The following CUX2 variants were observed in gnomAD, a reference collection of about 807,000 sequenced individuals.
The protein encoded by CUX2 is homeobox protein cut-like 2.
In CUX2, 40 loss-of-function variants were observed where a neutral mutation model predicts 144.8. The observed-to-expected ratio is 0.28, with a 90% CI of 0.21 to 0.36. The LOEUF (loss-of-function observed/expected upper bound fraction) is 0.36, where lower values mean the gene tolerates loss of function less well. Among genes scored for constraint, CUX2 ranks in the 10% least tolerant of loss-of-function variants. The pLI, the probability that CUX2 is intolerant of heterozygous loss-of-function variation, is 1.00. For missense variants in CUX2, 1,615 were observed against 1,994.0 expected, an observed-to-expected ratio of 0.81 and a Z score of 3.62; for synonymous variants, 827 against 875.6, an observed-to-expected ratio of 0.94 and a Z score of 0.98.
intron 3 of CUX2, among the ~76,000 whole-genome samples, chr12:111,257,733 C>A (rs1028556299): frequency 6.9e-6 from 1 of 145,096 alleles, no homozygotes; most frequent in Non-Finnish European, 1.5e-5. Flanking sequence ...TCTTCCTCTT[C>A]CTCCTCTTTC....
intron 1 of CUX2, among the ~76,000 whole-genome samples, chr12:111,164,019 C>CTAGGGCA (rs1877959393): frequency 1.3e-5 from 2 of 152,112 alleles, no homozygotes; most frequent in Non-Finnish European, 2.9e-5. Flanking sequence ...ATCATTGGAC[C>CTAGGGCA]TAGGGCATAG....
chr12:111,251,537 C>T (rs1883561600), intron 3 of CUX2, among the ~76,000 whole-genome samples: 2 of 152,140 alleles, frequency 1.3e-5, no homozygotes, highest in Non-Finnish European at 2.9e-5. Context: ...GCTTCCAAGC[C>T]GTGAAAGCCA....
Position 111,074,416 on chromosome 12 carries a change from C to T in CUX2, c.63+40176C>T, listed in dbSNP as rs542718925. On this transcript the variant is annotated intron_variant, in intron 1 of 21. Transcript: ENST00000261726. ...AATTGTGAGGGCCACCCGCCTATTT[C>T]GCTAAAGTGGAAGATGGGGCAGGGA... 5.3e-5 allele frequency among the ~76,000 whole-genome samples: 8 copies of T among 152,202 alleles called. No homozygotes were observed. In the South Asian group the frequency reaches 6.2e-4, roughly 12 times the overall value.
At chr12:111,092,020 A>G (rs1872586689) in intron 1 of CUX2, among the ~76,000 whole-genome samples, 1 of 152,258 alleles carries the variant, frequency 6.6e-6, no homozygotes. Context: ...GCACCCAGCC[A>G]AGCTCTAACA....
intron 16 of CUX2, among the ~76,000 whole-genome samples, chr12:111,318,916 C>G (rs1400077888): frequency 6.6e-6 from 1 of 152,128 alleles, no homozygotes; most frequent in South Asian, 2.1e-4. Context: ...TTGACTGCCT[C>G]AGCCTCCCAA....
In CUX2 at chr12:111,214,144, AG is replaced by A. The variant is rs373640566; in HGVS notation, c.64-55del. The A allele has an allele frequency of 4.9e-3, 5,815 of 1,189,154 alleles. 220 individuals are homozygous for A. The African/African-American group carries it at 0.078, about 16-fold the overall frequency. 73.7% of individuals were successfully genotyped at this position (1,189,154 alleles called of 1,614,324 possible). Reference sequence around the variant, plus strand: ...ACAGTGGTTAAAAAGGAAAAAAAGAAGAAAAATCTTTTTCTTTTCTCTCTCT... The same window carrying A: ...ACAGTGGTTAAAAAGGAAAAAAAGAAAAAAATCTTTTTCTTTTCTCTCTCT... On this transcript the variant is annotated intron_variant, in intron 1 of 21. Transcript: ENST00000261726.
At position 111,320,317 on chromosome 12, in the gene CUX2, A is replaced by C; in HGVS notation, c.2308A>C (p.Ser770Arg). ...CCTGTCCCCCGCCGCCTTCGTGCAG[A>C]GCATCATCCGCAAGGTCAAGTCCGA... The part of the protein sequence containing the change: ...PVLSPAAFVQ[S>R]IIRKVKSEIG... The change falls in exon 17 of 22, where the codon AGC becomes CGC. Residue 770 changes from serine (S) to arginine (R), a missense_variant. This residue lies in a region of CUX2 where 390 missense variants were observed against 387.1 expected (regional missense o/e 1.01). Coordinates refer to ENST00000261726, the MANE Select transcript of CUX2 (RefSeq NM_015267.4). The surrounding 1 kb of genome is among the most constrained non-coding windows in gnomAD (Gnocchi z 8.1). 6.3e-7 allele frequency: 1 copy of C among 1,598,024 alleles called. No homozygotes were observed. The highest frequency in any genetic ancestry group is 2.2e-5 in the East Asian group (1 of 44,804).
At chr12:111,294,508 A>T (rs1357988863) in intron 6 of CUX2, among the ~76,000 whole-genome samples, 1 of 149,332 alleles carries the variant, frequency 6.7e-6, no homozygotes, top group Non-Finnish European at 1.5e-5. Context: ...ACTTGAGCCC[A>T]GGTGGTCGAG....
At chr12:111,172,644 G>T (rs556364507) in intron 1 of CUX2, among the ~76,000 whole-genome samples, 1 of 152,186 alleles carries the variant, frequency 6.6e-6, no homozygotes, top group Non-Finnish European at 1.5e-5. Context: ...TCCGAACCTC[G>T]AGCTGTCTGG....
chr12:111,325,522 G>A (rs1458369413), intron 18 of CUX2, among the ~76,000 whole-genome samples: 1 of 152,126 alleles, frequency 6.6e-6, no homozygotes, highest in Admixed American at 6.6e-5. Flanking sequence ...GAGCACCCTG[G>A]GCTGTGGGCC....
At chr12:111,165,433 C>T (rs1878073552) in intron 1 of CUX2, among the ~76,000 whole-genome samples, 1 of 152,190 alleles carries the variant, frequency 6.6e-6, no homozygotes, top group Non-Finnish European at 1.5e-5. Context: ...AGAGTGGACA[C>T]AGACTGTCGT....
intron 3 of CUX2, among the ~76,000 whole-genome samples, chr12:111,251,726 C>G (rs1023679400): frequency 6.6e-6 from 1 of 152,172 alleles, no homozygotes; most frequent in African/African-American, 2.4e-5. Flanking sequence ...CATGGTGTTC[C>G]TCTTCCTGCA....
chr12:111,053,273 C>T (rs1267453029), intron 1 of CUX2, among the ~76,000 whole-genome samples: 2 of 152,064 alleles, frequency 1.3e-5, no homozygotes, highest in Non-Finnish European at 2.9e-5. Flanking sequence ...TGGCTCTTGC[C>T]CCAGCAGTGG....
At chr12:111,257,250 C>A (rs1045357756) in intron 3 of CUX2, among the ~76,000 whole-genome samples, 1 of 140,868 alleles carries the variant, frequency 7.1e-6, no homozygotes, top group Non-Finnish European at 1.6e-5. Context: ...CTCCCCTTCC[C>A]TTTTCCCCCT....
intron 2 of CUX2, 72 bp from the exon 3 acceptor site, chr12:111,217,818 G>C: frequency 1.3e-6 from 2 of 1,492,850 alleles, no homozygotes; most frequent in Non-Finnish European, 1.9e-6. Context: ...GGACAGCAGC[G>C]AGCTACAAGC....
intron 10 of CUX2, 70 bp from the exon 11 acceptor site, chr12:111,306,851 G>T: frequency 7.6e-7 from 1 of 1,308,492 alleles, no homozygotes; most frequent in African/African-American, 1.5e-5. Context: ...GGGATTCAGG[G>T]GTGGGGAGGC....
chr12:111,201,430 C>T (rs1377448689), intron 1 of CUX2, among the ~76,000 whole-genome samples: 2 of 152,180 alleles, frequency 1.3e-5, no homozygotes, highest in Non-Finnish European at 2.9e-5. Flanking sequence ...CAGATGGTCA[C>T]CCATTCCCCA....
In CUX2 at chr12:111,326,810, G is replaced by A. The variant is rs573444620; in HGVS notation, c.2926+4230G>A. Among the ~76,000 whole-genome samples the A allele has an allele frequency of 2.3e-4, 35 of 152,158 alleles. No homozygotes were observed. In the East Asian group the frequency reaches 5.0e-3, roughly 22 times the overall value. On this transcript the variant is annotated intron_variant, in intron 18 of 21. Transcript: ENST00000261726. ...TCCCAGCTACTCGGGAGGCTAAGGC[G>A]AGAGGATCGCTTGAACCCAGGAAGC...
At chr12:111,155,962 TA>T (rs1877346471) in intron 1 of CUX2, among the ~76,000 whole-genome samples, 1 of 151,528 alleles carries the variant, frequency 6.6e-6, no homozygotes, top group African/African-American at 2.4e-5. Context: ...CCAACAATAA[TA>T]ACAAGCAAAC....
Sources: gnomAD v4.1 joint callset for allele counts (sites outside exome capture counted in the v4.1 genomes callset) on GRCh38, gnomAD v4.1.1 for gene constraint, gnomAD v4.1.1 regional missense constraint, Gnocchi (gnomAD v3.1) non-coding constraint, MANE v1.5 for transcripts, NCBI Gene and HGNC (gene_info 2026-07-23, HGNC 2026-07-21) for gene names.